NSUN6: variants seen among roughly 807,000 people sequenced by gnomAD.
NSUN6 encodes tRNA (cytosine(72)-C(5))-methyltransferase NSUN6.
NSUN6 carries 64 observed loss-of-function variants against 58.0 expected under a neutral mutation model. The observed-to-expected ratio is 1.10, with a 90% confidence interval of 0.90 to 1.36. NSUN6 has a LOEUF of 1.36. Among genes scored for constraint, NSUN6 ranks in the 40% most tolerant of loss-of-function variants. The pLI, the probability that NSUN6 is intolerant of heterozygous loss-of-function variation, is 0.00. For synonymous variants in NSUN6, 231 were observed against 193.9 expected (o/e 1.19, Z -1.59); for missense variants, 701 against 550.1 (o/e 1.27, Z -2.74).
intron 8 of NSUN6, among the ~76,000 whole-genome samples, chr10:18,566,600 ATT>A (rs1415141153): frequency 6.9e-6 from 1 of 144,408 alleles, no homozygotes; most frequent in Non-Finnish European, 1.5e-5. Flanking sequence ...ATTCCATTCC[ATT>A]CTCCAGTCCC....
At chr10:18,560,960 A>G (rs894112510) in intron 8 of NSUN6, among the ~76,000 whole-genome samples, 3 of 150,974 alleles carry the variant, frequency 2.0e-5, no homozygotes, top group African/African-American at 7.3e-5. Flanking sequence ...AAAATGGAAC[A>G]TGAAATGCAG....
At chr10:18,580,926 G>A (rs1589944476) in intron 8 of NSUN6, among the ~76,000 whole-genome samples, 1 of 152,206 alleles carries the variant, frequency 6.6e-6, no homozygotes, top group African/African-American at 2.4e-5. Context: ...TAGAGCAGGA[G>A]TGAAAGTTTA....
chr10:18,552,253 C>T lies in NSUN6; in HGVS notation c.923-282G>A, dbSNP rs1324248365. Among the ~76,000 whole-genome samples, 6 of 152,040 alleles carry T rather than the reference C, an allele frequency of 3.9e-5. No homozygotes were observed. In the South Asian group the frequency reaches 1.2e-3, roughly 32 times the overall value. ...ACCTTCTACCCCAAACTTCAGAAGC[C>T]ACAACTCATCAAAGCTAGGACTTGG... On this transcript the variant is annotated intron_variant, in intron 8 of 10. Coordinates refer to ENST00000377304, the MANE Select transcript of NSUN6 (RefSeq NM_182543.5).
At chr10:18,553,788 G>A (rs142661785) in intron 8 of NSUN6, among the ~76,000 whole-genome samples, 1 of 150,736 alleles carries the variant, frequency 6.6e-6, no homozygotes, top group Admixed American at 6.6e-5. Flanking sequence ...GAATGGAATA[G>A]AGAATGGAGA....
At chr10:18,558,865 G>A (rs1053333871) in intron 8 of NSUN6, among the ~76,000 whole-genome samples, 9 of 151,480 alleles carry the variant, frequency 5.9e-5, no homozygotes, top group African/African-American at 2.2e-4. Context: ...CAATGGAATG[G>A]AAAATGGAAT....
At chr10:18,560,237 T>C (rs1415236633) in intron 8 of NSUN6, among the ~76,000 whole-genome samples, 1 of 149,470 alleles carries the variant, frequency 6.7e-6, no homozygotes, top group East Asian at 2.0e-4. Context: ...GAACGGAGAA[T>C]GGCAGAGAAT....
intron 1 of NSUN6, among the ~76,000 whole-genome samples, chr10:18,649,384 G>A (rs916963359): frequency 2.0e-5 from 3 of 152,102 alleles, no homozygotes; most frequent in African/African-American, 7.2e-5. Flanking sequence ...AGCCTTAAAA[G>A]TATTCATACT....
intron 3 of NSUN6, among the ~76,000 whole-genome samples, chr10:18,641,765 G>T (rs1351360875): frequency 1.3e-5 from 2 of 152,084 alleles, no homozygotes; most frequent in Non-Finnish European, 2.9e-5. Context: ...CATAATTGTT[G>T]AATTATGAAT....
intron 3 of NSUN6, among the ~76,000 whole-genome samples, chr10:18,628,000 A>G (rs1471377593): frequency 6.6e-6 from 1 of 152,218 alleles, no homozygotes; most frequent in South Asian, 2.1e-4. Context: ...GCACACTTAA[A>G]TGTCCCTGTC....
chr10:18,583,450 C>T (rs539753952), intron 8 of NSUN6, among the ~76,000 whole-genome samples: 2 of 151,500 alleles, frequency 1.3e-5, no homozygotes, highest in Admixed American at 6.6e-5. Context: ...AGTTTTCAGC[C>T]GAAAAAAGAA....
Position 18,651,172 on chromosome 10 carries a change from G to T in NSUN6, c.32C>A (p.Pro11His). Residue 11 changes from proline to histidine, a missense_variant, in exon 1 of 11, where the codon CCT becomes CAT. Coordinates refer to ENST00000377304, the MANE Select transcript of NSUN6 (RefSeq NM_182543.5). ...TTCCTTAAGATAGTTTTCAACCTCA[G>T]GTCTCAAAGATATCTTAGGGAAAAT... The part of the protein sequence containing the change: MSIFPKISLR[P>H]EVENYLKEGF... 6.3e-7 allele frequency: 1 copy of T among 1,578,036 alleles called. No individual in the cohort carries two copies.
chr10:18,629,173 A>G (rs368381877), intron 3 of NSUN6, among the ~76,000 whole-genome samples: 3 of 152,114 alleles, frequency 2.0e-5, no homozygotes, highest in Non-Finnish European at 2.9e-5. Context: ...AAGTGAAGGA[A>G]AAATAAAATC....
intron 6 of NSUN6, among the ~76,000 whole-genome samples, chr10:18,605,278 T>G (rs748301709): frequency 1.3e-5 from 2 of 151,388 alleles, no homozygotes; most frequent in African/African-American, 2.4e-5. Flanking sequence ...ACAGGCCAAA[T>G]CTGGGACAAT....
intron 5 of NSUN6, among the ~76,000 whole-genome samples, chr10:18,613,921 T>C (rs1460325653): frequency 6.6e-6 from 1 of 152,196 alleles, no homozygotes; most frequent in Non-Finnish European, 1.5e-5. Context: ...CCTGGATTTT[T>C]CCACCAATTT....
intron 3 of NSUN6, among the ~76,000 whole-genome samples, chr10:18,626,033 A>G (rs2058789654): frequency 6.6e-6 from 1 of 152,164 alleles, no homozygotes; most frequent in African/African-American, 2.4e-5. Context: ...CTCAATCAAG[A>G]AAGTAACGCA....
intron 9 of NSUN6, 81 bp downstream of exon 9, chr10:18,551,742 G>T: frequency 8.2e-7 from 1 of 1,216,954 alleles, no homozygotes; most frequent in Non-Finnish European, 1.2e-6. Context: ...AATGAACGCT[G>T]CTATGGAGAT....
Position 18,545,805 on chromosome 10 carries a change from G to A in NSUN6, c.*128C>T, listed in dbSNP as rs1564691009. 7.6e-6 allele frequency: 5 copies of A among 661,312 alleles called. No individual in the cohort carries two copies. In the South Asian group the frequency reaches 8.8e-5, roughly 12 times the overall value. 41.0% of individuals were successfully genotyped at this position (661,312 alleles called of 1,614,324 possible). A position where few individuals can be genotyped will look rare whatever the true frequency, so the allele number is the denominator to read the frequency against. ...TCTCTGGATCCCTGGTAAAACAGCT[G>A]GCAGCCTTTTCTGTTTCCATAGCAA... On this transcript the variant is annotated 3_prime_UTR_variant, in exon 11 of 11. Transcript: ENST00000377304.
chr10:18,641,051 T>C (rs2059377598), intron 3 of NSUN6, among the ~76,000 whole-genome samples: 1 of 152,076 alleles, frequency 6.6e-6, no homozygotes, highest in Non-Finnish European at 1.5e-5. Context: ...AAAAAGTAAT[T>C]ATCCCAAGTA....
At chr10:18,610,851 A>G (rs950594546) in intron 5 of NSUN6, among the ~76,000 whole-genome samples, 1 of 152,214 alleles carries the variant, frequency 6.6e-6, no homozygotes, top group Non-Finnish European at 1.5e-5. Flanking sequence ...AAATTCAAAG[A>G]GTTCTGGGGA....
Sources: gnomAD v4.1 joint callset for allele counts (sites outside exome capture counted in the v4.1 genomes callset) on GRCh38, gnomAD v4.1.1 for gene constraint, MANE v1.5 for transcripts, NCBI Gene and HGNC (gene_info 2026-07-23, HGNC 2026-07-21) for gene names.